Variants in ZBTB20 observed in about 807,000 individuals in gnomAD.
ZBTB20 encodes the protein zinc finger and BTB domain containing 20.
A neutral mutation model predicts 56.9 loss-of-function variants in ZBTB20; 9 were observed. The observed-to-expected ratio is 0.16, with a 90% confidence interval of 0.10 to 0.28. The LOEUF (loss-of-function observed/expected upper bound fraction) is 0.28. ZBTB20 is among the 10% of genes least tolerant of loss of function. ZBTB20 has a pLI of 1.00. For synonymous variants in ZBTB20, 417 were observed against 420.7 expected (o/e 0.99, Z 0.11); for missense variants, 655 against 1,003.0 (o/e 0.65, Z 4.69).
At chr3:114,539,804 T>C (rs907541317) in intron 6 of ZBTB20, among the ~76,000 whole-genome samples, 1 of 152,060 alleles carries the variant, frequency 6.6e-6, no homozygotes, top group African/African-American at 2.4e-5. Flanking sequence ...TCCATCTTTG[T>C]ATCTCTAGAC....
chr3:115,131,851 T>A (rs7640015), intron 1 of ZBTB20, among the ~76,000 whole-genome samples: 135 of 152,310 alleles, frequency 8.9e-4, no homozygotes, highest in African/African-American at 3.1e-3. Flanking sequence ...AAATCCATCA[T>A]TTTCCAACTA....
At chr3:114,434,945 G>A (rs1190219709) in intron 7 of ZBTB20, among the ~76,000 whole-genome samples, 1 of 152,142 alleles carries the variant, frequency 6.6e-6, no homozygotes, top group Non-Finnish European at 1.5e-5. Flanking sequence ...AGAGAGATGA[G>A]CGGTTCTAGC....
rs147107063 is a variant in ZBTB20, at chr3:114,730,936, T to C, written c.-342-37361A>G. ...AATGTCCCAAGAGACAAGGATTCAA[T>C]AAGTGGCATAACTGAGATTTAATCT... On this transcript the variant is annotated intron_variant, in intron 5 of 11. Coordinates refer to ENST00000675478, the MANE Select transcript of ZBTB20 (RefSeq NM_001348800.3). 2.2e-4 allele frequency among the ~76,000 whole-genome samples: 33 copies of C among 152,314 alleles called. No individual in the cohort carries two copies. The East Asian group carries it at 4.0e-3, about 19-fold the overall frequency.
chr3:115,059,484 C>G (rs1362353423), intron 2 of ZBTB20, among the ~76,000 whole-genome samples: 1 of 152,186 alleles, frequency 6.6e-6, no homozygotes, highest in South Asian at 2.1e-4. Flanking sequence ...TCAAACACTT[C>G]CAATCCGCGA....
chr3:114,820,706 C>A (rs1170367744), intron 4 of ZBTB20, among the ~76,000 whole-genome samples: 2 of 152,044 alleles, frequency 1.3e-5, no homozygotes, highest in Admixed American at 6.6e-5. Flanking sequence ...AATCTCCATA[C>A]TTTTGTGCAT....
At chr3:114,406,284 C>T (rs1271516706) in intron 7 of ZBTB20, among the ~76,000 whole-genome samples, 1 of 152,136 alleles carries the variant, frequency 6.6e-6, no homozygotes, top group African/African-American at 2.4e-5. Flanking sequence ...AATTCTTTAT[C>T]ATTTGAAATA....
At chr3:115,023,573 T>C (rs879689690) in intron 2 of ZBTB20, among the ~76,000 whole-genome samples, 1 of 150,948 alleles carries the variant, frequency 6.6e-6, no homozygotes, top group Admixed American at 6.6e-5. Flanking sequence ...TATGCTATAC[T>C]TCTCTTTGAC....
chr3:114,395,508 T>C (rs957302728), intron 7 of ZBTB20, among the ~76,000 whole-genome samples: 4 of 152,170 alleles, frequency 2.6e-5, no homozygotes, highest in South Asian at 2.1e-4. Flanking sequence ...CCATTAAACA[T>C]GTTAAGGAAG....
At chr3:115,128,697 A>AAGGGGAGGGCAGTGG (rs2084409404) in intron 1 of ZBTB20, among the ~76,000 whole-genome samples, 1 of 120,862 alleles carries the variant, frequency 8.3e-6, no homozygotes, top group African/African-American at 3.1e-5. Flanking sequence ...AAGGGAAGGG[A>AAGGGGAGGGCAGTGG]AGGGGAGGGC....
chr3:115,063,421 G>T (rs2082083780), intron 2 of ZBTB20, among the ~76,000 whole-genome samples: 1 of 152,262 alleles, frequency 6.6e-6, no homozygotes, highest in South Asian at 2.1e-4. Flanking sequence ...GTCCTCACAT[G>T]ATGGAGGGCC....
At chr3:114,612,868 T>C (rs971887277) in intron 6 of ZBTB20, among the ~76,000 whole-genome samples, 4 of 152,230 alleles carry the variant, frequency 2.6e-5, no homozygotes, top group African/African-American at 7.2e-5. Context: ...ATATTTTTAA[T>C]GCTGATTTTT....
At chr3:114,820,828 A>G (rs185798743) in intron 4 of ZBTB20, among the ~76,000 whole-genome samples, 1 of 152,232 alleles carries the variant, frequency 6.6e-6, no homozygotes, top group Admixed American at 6.5e-5. Flanking sequence ...TAAATACCAT[A>G]TTTGACTACA....
At chr3:114,925,217 T>C (rs1318704303) in intron 3 of ZBTB20, among the ~76,000 whole-genome samples, 2 of 151,890 alleles carry the variant, frequency 1.3e-5, no homozygotes, top group Non-Finnish European at 2.9e-5. Context: ...CTCTTGACCC[T>C]GTGATCCGCC....
In ZBTB20 at chr3:114,989,284, C is replaced by T. The variant is rs201337028; in HGVS notation, c.-506-14868G>A. On this transcript the variant is annotated intron_variant, in intron 2 of 11. Coordinates refer to ENST00000675478, the MANE Select transcript of ZBTB20 (RefSeq NM_001348800.3). ...ATCTTGAATTAATTTTTGTATAAGG[C>T]GTAAGGAAGGGATCCAGTTTCAGCT... Among the ~76,000 whole-genome samples, 161 of 152,046 alleles carry T rather than the reference C, an allele frequency of 1.1e-3. 1 individual carries two copies. Among genetic ancestry groups the T allele is most frequent in the Non-Finnish European group, 2.0e-3 (133 of 67,944 alleles).
chr3:114,468,420 T>G (rs1026067570), intron 7 of ZBTB20, among the ~76,000 whole-genome samples: 1 of 152,186 alleles, frequency 6.6e-6, no homozygotes, highest in Non-Finnish European at 1.5e-5. Context: ...TTATATTTTT[T>G]GTATATGTAC....
intron 6 of ZBTB20, among the ~76,000 whole-genome samples, chr3:114,635,855 G>A (rs2059237121): frequency 6.6e-6 from 1 of 151,962 alleles, no homozygotes; most frequent in Non-Finnish European, 1.5e-5. Context: ...CTGGGGAGAA[G>A]AGAGGGAAAG....
chr3:114,640,408 C>A (rs1418247033), intron 6 of ZBTB20, among the ~76,000 whole-genome samples: 2 of 152,012 alleles, frequency 1.3e-5, no homozygotes, highest in African/African-American at 4.8e-5. Context: ...ATGCTTATAG[C>A]GCTTAAGAAC....
chr3:114,745,420 T>C (rs560166469), intron 5 of ZBTB20, among the ~76,000 whole-genome samples: 1 of 152,266 alleles, frequency 6.6e-6, no homozygotes, highest in East Asian at 1.9e-4. Context: ...GAGTTCCTCT[T>C]ACACATAAGG....
intron 6 of ZBTB20, among the ~76,000 whole-genome samples, chr3:114,583,749 T>C (rs920189341): frequency 6.6e-6 from 1 of 152,226 alleles, no homozygotes. Context: ...TATTCCTTAG[T>C]TGGTGTAACC....
Sources: gnomAD v4.1 joint callset for allele counts (sites outside exome capture counted in the v4.1 genomes callset) on GRCh38, gnomAD v4.1.1 for gene constraint, MANE v1.5 for transcripts, NCBI Gene and HGNC (gene_info 2026-07-23, HGNC 2026-07-21) for gene names.